Variants in LSS observed in about 807,000 individuals in gnomAD.
The protein encoded by LSS is 2,3-epoxysqualene-lanosterol cyclase.
A neutral mutation model predicts 110.3 loss-of-function variants in LSS; 90 were observed. The ratio of observed to expected loss-of-function variants is 0.82; its 90% CI spans 0.69 to 0.97. The LOEUF (loss-of-function observed/expected upper bound fraction) is 0.97, where lower values mean the gene tolerates loss of function less well. LSS is among the 50% of genes least tolerant of loss of function. The probability of loss-of-function intolerance (pLI) is 0.00; values close to 1 mark genes in which losing one functional copy is unlikely to be tolerated. For missense variants in LSS, 927 were observed against 990.0 expected, an observed-to-expected ratio of 0.94 and a Z score of 0.85; for synonymous variants, 433 against 400.0, an observed-to-expected ratio of 1.08 and a Z score of -0.98.
At chr21:46,222,190 T>A in intron 4 of LSS, 5 of 577,594 alleles carry the variant, frequency 8.7e-6, no homozygotes, top group South Asian at 4.2e-5. Flanking sequence ...TTCCTCACCG[T>A]GACCCGCCTG....
Position 46,205,339 on chromosome 21 carries a change from G to A in LSS, c.1670+497C>T, listed in dbSNP as rs368396884. Among the ~76,000 whole-genome samples the A allele has an allele frequency of 7.2e-5, 11 of 152,210 alleles. No homozygotes were observed. The East Asian group carries it at 9.7e-4, about 13-fold the overall frequency. On this transcript the variant is annotated intron_variant, in intron 17 of 21. Transcript: ENST00000397728. ...AAGGCAACACGAATTCCACACCTCAGGAGTCCACCTAGACAAGATCCAAAG... is the reference window on the plus strand; with the variant it reads ...AAGGCAACACGAATTCCACACCTCAAGAGTCCACCTAGACAAGATCCAAAG...
intron 4 of LSS, 145 bp downstream of exon 4, chr21:46,222,485 C>T (rs1935890323): frequency 4.5e-6 from 3 of 661,094 alleles, no homozygotes; most frequent in Admixed American, 2.8e-5. Flanking sequence ...CCACTCCCCG[C>T]CTGCTAGTCT....
rs1192902125 is a variant in LSS at position 46,191,257 on chromosome 21, A to C, written c.2068-22T>G. On this transcript the variant is annotated intron_variant, in intron 21 of 21. Coordinates refer to ENST00000397728, the MANE Select transcript of LSS (RefSeq NM_002340.6). ...TTTCCTAAAAGAACACAGAGAAATAAACACAAAGGCTTCACCAGTCAGCTG... is the reference window on the plus strand; with the variant it reads ...TTTCCTAAAAGAACACAGAGAAATACACACAAAGGCTTCACCAGTCAGCTG... 4 of 1,613,702 alleles carry C rather than the reference A, an allele frequency of 2.5e-6. No individual in the cohort carries two copies. In the African/African-American group the frequency reaches 5.3e-5, roughly 22 times the overall value.
chr21:46,216,371 T>G lies in LSS; in HGVS notation c.783+18A>C, dbSNP rs1024927809. The G allele has an allele frequency of 1.2e-6, 2 of 1,613,346 alleles. No homozygotes were observed. The highest frequency in any genetic ancestry group is 2.7e-5 in the African/African-American group (2 of 74,922). On this transcript the variant is annotated intron_variant, in intron 7 of 21. Coordinates refer to ENST00000397728, the MANE Select transcript of LSS (RefSeq NM_002340.6). This position sits in a 1 kb window ranked among gnomAD's most constrained non-coding sequence, Gnocchi z 4.2. ...CCAGCCCCAGAGGCCTTCACTTTGT[T>G]CCCTGATGAGGTCCTACCTGGCGGA...
In LSS at chr21:46,191,150, C is replaced by A; in HGVS notation, c.2153G>T (p.Arg718Leu). The A allele has an allele frequency of 6.2e-7, 1 of 1,613,976 alleles. No individual in the cohort carries two copies. Among genetic ancestry groups the A allele is most frequent in the African/African-American group, 1.3e-5 (1 of 75,050 alleles). Residue 718 changes from arginine to leucine, a missense_variant, in exon 22 of 22, where the codon CGC becomes CTC. Transcript: ENST00000397728. ...RNIFPIWALGRFSQLYPERAL... is the reference protein window; with the variant it reads ...RNIFPIWALGLFSQLYPERAL... ...TCTCTCAGGGTACAGCTGGGAGAAG[C>A]GGCCGAGGGCCCAGATGGGGAAGAT...
chr21:46,203,934 T>A (rs34105866), intron 17 of LSS, among the ~76,000 whole-genome samples: 1 of 152,116 alleles, frequency 6.6e-6, no homozygotes, highest in Non-Finnish European at 1.5e-5. Context: ...AGCCTCAAAT[T>A]CATATTTCAA....
At chr21:46,222,825 C>A (rs2123760269) in intron 3 of LSS, 87 bp from the exon 4 acceptor site, 1 of 918,870 alleles carries the variant, frequency 1.1e-6, no homozygotes. Context: ...CACCTCACTC[C>A]AACAGGGAGC....
intron 17 of LSS, among the ~76,000 whole-genome samples, 165 bp downstream of exon 17, chr21:46,205,671 G>A (rs964158082): frequency 6.6e-6 from 1 of 152,176 alleles, no homozygotes; most frequent in Non-Finnish European, 1.5e-5. Context: ...TATTTTGTAT[G>A]CTTTAGGGCA....
intron 15 of LSS, 96 bp downstream of exon 15, chr21:46,207,332 T>C: frequency 2.1e-6 from 3 of 1,463,176 alleles, no homozygotes; most frequent in South Asian, 1.3e-5. Flanking sequence ...CTGGCCGGAC[T>C]GTGTGCTGGG....
chr21:46,228,270 G>A (rs1374204556), intron 2 of LSS, among the ~76,000 whole-genome samples, 164 bp downstream of exon 2: 2 of 152,238 alleles, frequency 1.3e-5, no homozygotes, highest in African/African-American at 2.4e-5. Flanking sequence ...GAGATGAAGG[G>A]GCTGAAGCGG....
In LSS at chr21:46,216,481, A is replaced by G. The variant is rs2080209241; in HGVS notation, c.691T>C (p.Cys231Arg). The stretch of plus-strand genomic sequence containing the variant: ...GGCAGGTACACCTGCCGGCAGTGGC[A>G]CCAGAGTGTGGAGGGGTGTGCCGGT... Reference protein sequence around the residue: ...WAPAHPSTLWCHCRQVYLPMS... With the variant: ...WAPAHPSTLWRHCRQVYLPMS... Residue 231 changes from cysteine (C) to arginine (R), a missense_variant, in exon 7 of 22, where the codon TGC becomes CGC. Physicochemically the swap from Cys to Arg is radical, Grantham distance 180. Transcript: ENST00000397728. The surrounding 1 kb of genome is among the most constrained non-coding windows in gnomAD (Gnocchi z 4.2). 1 of 1,613,328 alleles carries G rather than the reference A, an allele frequency of 6.2e-7. No homozygotes were observed. Among genetic ancestry groups the G allele is most frequent in the Non-Finnish European group, 8.5e-7 (1 of 1,179,746 alleles).
In LSS at chr21:46,228,462, AGGCCGGTCTGCTCGCGGCC is replaced by A; in HGVS notation, c.133_151del (p.Gly45TrpfsTer28). ...GTCCAGCCCCAGGGCGTAGGCTTCC[AGGCCGGTCTGCTCGCGGCC>A]GGCGCGCTCGTCCTGCAGGTAGGTC... On this transcript the variant is annotated frameshift_variant, in exon 2 of 22. Coordinates refer to ENST00000397728, the MANE Select transcript of LSS (RefSeq NM_002340.6). LOFTEE classifies it high-confidence loss of function. 5.0e-6 allele frequency: 8 copies of A among 1,603,756 alleles called. No individual in the cohort carries two copies. Among genetic ancestry groups the A allele is most frequent in the Non-Finnish European group, 6.8e-6 (8 of 1,179,626 alleles).
In LSS at chr21:46,210,717, T is replaced by C. The variant is rs773843364; in HGVS notation, c.1165A>G (p.Thr389Ala). The change falls in exon 12 of 22, where the codon ACC becomes GCC. Residue 389 changes from threonine to alanine, a missense_variant. Transcript: ENST00000397728. ...QGTNGSQIWD[T>A]AFAIQALLEA... ...AGCAGAGCCTGGATGGCGAATGCGG[T>C]GTCCCAGATCTGTGAGCCGTTGGTG... The C allele has an allele frequency of 1.9e-6, 3 of 1,614,068 alleles. No homozygotes were observed. Among genetic ancestry groups the C allele is most frequent in the South Asian group, 2.2e-5 (2 of 91,066 alleles).
chr21:46,227,051 C>A (rs542948513), intron 3 of LSS, among the ~76,000 whole-genome samples: 1 of 152,246 alleles, frequency 6.6e-6, no homozygotes, highest in East Asian at 1.9e-4. Context: ...AGAAACACTC[C>A]CAGGATGCAA....
chr21:46,193,055 T>C (rs1037750162), intron 20 of LSS: 2 of 440,516 alleles, frequency 4.5e-6, no homozygotes, highest in South Asian at 1.6e-5. Context: ...TGTCTCCATG[T>C]ACGTATGTCT....
chr21:46,219,440 G>T, intron 6 of LSS, 36 bp downstream of exon 6: 1 of 1,489,972 alleles, frequency 6.7e-7, no homozygotes, highest in Non-Finnish European at 9.1e-7. Flanking sequence ...CGGGACAGCA[G>T]CAGCGACCCA....
At chr21:46,211,563 A>C (rs2080135285) in intron 11 of LSS, among the ~76,000 whole-genome samples, 1 of 152,188 alleles carries the variant, frequency 6.6e-6, no homozygotes, top group South Asian at 2.1e-4. Flanking sequence ...GCCGGTGACC[A>C]AACCCTAGTG....
rs1205911290 is a variant in LSS at position 46,213,735 on chromosome 21, C to T, written c.1109+3G>A. On this transcript the variant is annotated splice_donor_region_variant and intron_variant, in intron 10 of 21. Coordinates refer to ENST00000397728, the MANE Select transcript of LSS (RefSeq NM_002340.6). The stretch of plus-strand genomic sequence containing the variant: ...CCCGCCAGCATATCCCAGCCACACT[C>T]ACCAGAGATAGTCCGGGATTCTGGA... The T allele has an allele frequency of 6.2e-7, 1 of 1,612,958 alleles. No individual in the cohort carries two copies.
intron 6 of LSS, among the ~76,000 whole-genome samples, 196 bp downstream of exon 6, chr21:46,219,280 A>G (rs188100208): frequency 2.1e-3 from 321 of 152,124 alleles, no homozygotes; most frequent in African/African-American, 7.2e-3. Context: ...TTCCTGCTCA[A>G]TTGGGAACCT....
Sources: gnomAD v4.1 joint callset for allele counts (sites outside exome capture counted in the v4.1 genomes callset) on GRCh38, gnomAD v4.1.1 for gene constraint, Gnocchi (gnomAD v3.1) non-coding constraint, MANE v1.5 for transcripts, NCBI Gene and HGNC (gene_info 2026-07-23, HGNC 2026-07-21) for gene names.